Variants in ASIC2 observed in about 807,000 individuals in gnomAD.
ASIC2 encodes acid-sensing ion channel 2.
A neutral mutation model predicts 57.3 loss-of-function variants in ASIC2; 25 were observed. That is an observed-to-expected ratio of 0.44 (90% CI 0.32 to 0.61). The LOEUF (loss-of-function observed/expected upper bound fraction) is 0.61, where lower values mean the gene tolerates loss of function less well. Among genes scored for constraint, ASIC2 ranks in the 20% least tolerant of loss-of-function variants. ASIC2 has a pLI of 0.06. For missense variants in ASIC2, 641 were observed against 738.1 expected (o/e 0.87, Z 1.52); for synonymous variants, 319 against 307.5 (o/e 1.04, Z -0.39).
At position 33,330,394 on chromosome 17, in the gene ASIC2, C is replaced by T. The variant is rs144221936; in HGVS notation, c.556-218327G>A. On this transcript the variant is annotated intron_variant, in intron 1 of 9. Transcript: ENST00000359872. ...GGGAGGCTGCTGGGGACCAGCATCC[C>T]ACAGAGTCAGTGACAAACCAGGATC... 7.8e-3 allele frequency among the ~76,000 whole-genome samples: 1,188 copies of T among 152,274 alleles called. 19 individuals are homozygous for T. Among genetic ancestry groups the T allele is most frequent in the Non-Finnish European group, 8.2e-3 (558 of 68,030 alleles).
chr17:33,483,809 G>C (rs1377950607), intron 1 of ASIC2, among the ~76,000 whole-genome samples: 1 of 152,220 alleles, frequency 6.6e-6, no homozygotes, highest in African/African-American at 2.4e-5. Flanking sequence ...CCACGTATTA[G>C]TCCTCAGAAC....
rs182052478 is a variant in ASIC2 at position 33,531,218 on chromosome 17, A to T, written c.556-419151T>A. On this transcript the variant is annotated intron_variant, in intron 1 of 9. Transcript: ENST00000359872. The stretch of plus-strand genomic sequence containing the variant: ...ACGTTCCAGAAAGGCTTAGGACAAG[A>T]TCATAGAACTCCTGGCAGAACCAGG... Among the ~76,000 whole-genome samples, 60 of 152,154 alleles carry T rather than the reference A, an allele frequency of 3.9e-4. No individual in the cohort carries two copies. In the East Asian group the frequency reaches 9.3e-3, roughly 24 times the overall value.
Position 33,133,912 on chromosome 17 carries a change from G to A in ASIC2, c.709-21845C>T, listed in dbSNP as rs8067620. 6.6e-5 allele frequency among the ~76,000 whole-genome samples: 10 copies of A among 152,312 alleles called. No homozygotes were observed. The East Asian group carries it at 7.7e-4, about 12-fold the overall frequency. On this transcript the variant is annotated intron_variant, in intron 1 of 9. Coordinates refer to ENST00000225823, the MANE Select transcript of ASIC2 (RefSeq NM_183377.2). The stretch of plus-strand genomic sequence containing the variant: ...AGGGCACAGGAAAAGGGATCAAATC[G>A]TCAACCCACAAAAGACAGTCTGGGA...
At chr17:33,215,987 C>A (rs747198060) in intron 1 of ASIC2, among the ~76,000 whole-genome samples, 2 of 152,164 alleles carry the variant, frequency 1.3e-5, no homozygotes, top group African/African-American at 4.8e-5. Context: ...GCGTCAGCCA[C>A]CAAGCCCGGC....
At chr17:34,069,311 TTTC>T (rs1027281625) in intron 1 of ASIC2, 4 of 119,096 alleles carry the variant, frequency 3.4e-5, no homozygotes, top group East Asian at 2.4e-4. Context: ...CCTTCCTTCC[TTTC>T]TTCCTTTCCT....
intron 1 of ASIC2, among the ~76,000 whole-genome samples, chr17:33,995,186 G>A (rs1006202361): frequency 1.3e-5 from 2 of 152,140 alleles, no homozygotes; most frequent in African/African-American, 2.4e-5. Flanking sequence ...GCATGGCAGG[G>A]AGATTTTATC....
At chr17:33,314,322 G>A (rs1415304195) in intron 1 of ASIC2, among the ~76,000 whole-genome samples, 2 of 152,134 alleles carry the variant, frequency 1.3e-5, no homozygotes, top group African/African-American at 4.8e-5. Flanking sequence ...CCATGAGGTG[G>A]GGACTCCCTA....
chr17:33,042,958 C>T (rs1373685910), intron 3 of ASIC2, among the ~76,000 whole-genome samples: 3 of 151,558 alleles, frequency 2.0e-5, no homozygotes, highest in African/African-American at 7.3e-5. Flanking sequence ...GACGGAGTCT[C>T]TTCCATCGCC....
chr17:33,513,764 A>G (rs1914490319), intron 1 of ASIC2, among the ~76,000 whole-genome samples: 1 of 152,192 alleles, frequency 6.6e-6, no homozygotes, highest in Admixed American at 6.5e-5. Flanking sequence ...TGTCCCCTAC[A>G]CTTGGCTCCT....
chr17:33,817,073 C>T (rs968959252), intron 1 of ASIC2, among the ~76,000 whole-genome samples: 8 of 152,196 alleles, frequency 5.3e-5, no homozygotes, highest in African/African-American at 1.9e-4. Context: ...ACTGGAACCA[C>T]CTGGGGAGTT....
At chr17:33,240,852 A>G (rs140230296) in intron 1 of ASIC2, among the ~76,000 whole-genome samples, 2 of 152,282 alleles carry the variant, frequency 1.3e-5, no homozygotes, top group African/African-American at 4.8e-5. Context: ...CCTTCCAAGC[A>G]AAGCAAAGCA....
At chr17:33,804,731 T>G (rs1290738674) in intron 1 of ASIC2, among the ~76,000 whole-genome samples, 1 of 152,210 alleles carries the variant, frequency 6.6e-6, no homozygotes, top group Non-Finnish European at 1.5e-5. Flanking sequence ...TGTTCCTCAT[T>G]CTTCGATCTG....
chr17:33,890,993 C>T (rs1360597893), intron 1 of ASIC2, among the ~76,000 whole-genome samples: 2 of 152,044 alleles, frequency 1.3e-5, no homozygotes, highest in Admixed American at 6.6e-5. Context: ...GCAAGTGCCT[C>T]GGGTGGTCTG....
In ASIC2 at chr17:33,656,837, A is replaced by G. The variant is rs181791012; in HGVS notation, c.555+499141T>C. Among the ~76,000 whole-genome samples, 399 of 152,332 alleles carry G rather than the reference A, an allele frequency of 2.6e-3. 2 individuals carry two copies. Among genetic ancestry groups the G allele is most frequent in the African/African-American group, 8.7e-3 (363 of 41,572 alleles). ...AAACCCTAGACAAATTCTCTTTTCA[A>G]TAACCCCGAGTGTTGCTGAAATCAA... is the stretch of plus-strand genomic sequence containing the variant. On this transcript the variant is annotated intron_variant, in intron 1 of 9. Transcript: ENST00000359872.
chr17:33,389,251 G>A lies in ASIC2; in HGVS notation c.556-277184C>T, dbSNP rs533830749. Among the ~76,000 whole-genome samples, 37 of 152,172 alleles carry A rather than the reference G, an allele frequency of 2.4e-4. No individual in the cohort carries two copies. The South Asian group carries it at 5.8e-3, about 24-fold the overall frequency. On this transcript the variant is annotated intron_variant, in intron 1 of 9. Transcript: ENST00000359872. ...GCTGGGATTACAGGCACGAGCCACC[G>A]TGCCTGGCTCTCTCCCACTCTTAAC...
intron 1 of ASIC2, among the ~76,000 whole-genome samples, chr17:33,573,902 T>A (rs1039657187): frequency 6.6e-6 from 1 of 152,206 alleles, no homozygotes; most frequent in South Asian, 2.1e-4. Flanking sequence ...AAAAGTACTA[T>A]CTTCAGAATC....
intron 1 of ASIC2, among the ~76,000 whole-genome samples, chr17:33,777,936 C>T (rs937943489): frequency 2.6e-5 from 4 of 152,144 alleles, no homozygotes; most frequent in Non-Finnish European, 5.9e-5. Context: ...TCAGCTCAGC[C>T]CTGCTGACTC....
intron 1 of ASIC2, among the ~76,000 whole-genome samples, chr17:33,527,229 C>G (rs550836504): frequency 6.6e-5 from 10 of 152,274 alleles, no homozygotes; most frequent in Non-Finnish European, 1.2e-4. Flanking sequence ...GTGGGCAGAT[C>G]TAAGGAAAGA....
In ASIC2 at chr17:34,101,695, T is replaced by A. The variant is rs1910869896; in HGVS notation, c.555+54283A>T. ...TGTTAACATTTATTATACAAGTGTA[T>A]GCCTATAAACAATATGTAAGTCTCC... On this transcript the variant is annotated intron_variant, in intron 1 of 9. Transcript: ENST00000359872. 2.0e-5 allele frequency among the ~76,000 whole-genome samples: 3 copies of A among 152,242 alleles called. No homozygotes were observed. In the South Asian group the frequency reaches 6.2e-4, roughly 32 times the overall value.
Sources: allele counts gnomAD v4.1 joint callset (sites outside exome capture counted in the v4.1 genomes callset), GRCh38; gene constraint gnomAD v4.1.1; transcripts MANE v1.5; gene names NCBI Gene and HGNC (gene_info 2026-07-23, HGNC 2026-07-21).